NFIC: variants seen among roughly 807,000 people sequenced by gnomAD.
NFIC encodes the protein nuclear factor 1 C-type.
Under a neutral mutation model 54.4 loss-of-function variants are expected in NFIC, and 12 were observed. The ratio of observed to expected loss-of-function variants is 0.22; its 90% CI spans 0.14 to 0.36. NFIC has a LOEUF of 0.36. Ranked by LOEUF, NFIC falls within the 10% of genes least tolerant of loss-of-function variation. The probability of loss-of-function intolerance (pLI) is 1.00; values close to 1 mark genes in which losing one functional copy is unlikely to be tolerated. For synonymous variants in NFIC, 322 were observed against 319.2 expected (o/e 1.01, Z -0.09); for missense variants, 575 against 718.2 (o/e 0.80, Z 2.28).
intron 1 of NFIC, among the ~76,000 whole-genome samples, chr19:3,381,240 C>T (rs2081201283): frequency 6.6e-6 from 1 of 151,830 alleles, no homozygotes; most frequent in South Asian, 2.1e-4. Flanking sequence ...CCTAAAAATA[C>T]AAAAATTAGC....
At chr19:3,433,473 AC>A in intron 3 of NFIC, 44 bp from the exon 4 acceptor site, 1 of 1,605,388 alleles carries the variant, frequency 6.2e-7, no homozygotes. Context: ...GGGAAGGGAA[AC>A]AGGCCCAGCT....
intron 2 of NFIC, among the ~76,000 whole-genome samples, chr19:3,394,527 C>CCA (rs1184211402): frequency 1.6e-5 from 1 of 61,928 alleles, no homozygotes; most frequent in Non-Finnish European, 3.3e-5. Flanking sequence ...CCACCCACCC[C>CCA]CCACCCGCTT....
In NFIC at chr19:3,459,438, A is replaced by C. The variant is rs1460617608; in HGVS notation, c.1509+2803A>C. ...ATTTCTCCTGCACGGGAACCCACGT[A>C]AGCAGCTGGGTAAACCGAGGGTGGG... On this transcript the variant is annotated intron_variant, in intron 10 of 10. Transcript: ENST00000443272. This position sits in a 1 kb window ranked among gnomAD's most constrained non-coding sequence, Gnocchi z 4.2. 6.6e-6 allele frequency among the ~76,000 whole-genome samples: 1 copy of C among 151,646 alleles called. No homozygotes were observed. The highest frequency in any genetic ancestry group is 1.9e-4 in the East Asian group (1 of 5,184).
chr19:3,449,872 T>C (rs2082431907), intron 7 of NFIC, among the ~76,000 whole-genome samples: 1 of 151,028 alleles, frequency 6.6e-6, no homozygotes, highest in Non-Finnish European at 1.5e-5. Flanking sequence ...CTGGCCAACA[T>C]GGTGAAACCC....
chr19:3,380,167 A>AT (rs926747822), intron 1 of NFIC, among the ~76,000 whole-genome samples: 28 of 134,258 alleles, frequency 2.1e-4, no homozygotes, highest in African/African-American at 6.6e-4. Context: ...CGCCCGGCTA[A>AT]TTTTTTTGTT....
intron 6 of NFIC, among the ~76,000 whole-genome samples, chr19:3,441,891 C>A (rs1005035278): frequency 2.6e-5 from 4 of 152,346 alleles, no homozygotes; most frequent in African/African-American, 4.8e-5. Flanking sequence ...ATCCTCCCCC[C>A]ACCCTTCCCT....
Position 3,463,232 on chromosome 19 carries a change from G to A in NFIC, c.*463G>A, listed in dbSNP as rs1034050601. 1 of 993,898 alleles carries A rather than the reference G, an allele frequency of 1.0e-6. No individual in the cohort carries two copies. The highest frequency in any genetic ancestry group is 1.2e-6 in the Non-Finnish European group (1 of 836,054). The allele number at this position is 993,898 out of a possible 1,614,324, so 61.6% of individuals were successfully genotyped here. On this transcript the variant is annotated 3_prime_UTR_variant, in exon 11 of 11. Transcript: ENST00000443272. ...GCACAGCCTGGAGCCTGTGCCCAGG[G>A]CCGACAGGCGCGACACCCAGCAAGG...
intron 2 of NFIC, among the ~76,000 whole-genome samples, chr19:3,418,668 A>G (rs2081906499): frequency 6.6e-6 from 1 of 152,142 alleles, no homozygotes; most frequent in Non-Finnish European, 1.5e-5. Flanking sequence ...CCTGGCTAAC[A>G]TGGCAAAATC....
intron 2 of NFIC, among the ~76,000 whole-genome samples, chr19:3,410,274 A>G (rs1249968574): frequency 2.0e-5 from 3 of 152,152 alleles, no homozygotes; most frequent in East Asian, 1.9e-4. Context: ...TTTGCTTTCC[A>G]GAACCAGAGC....
rs1223236383 is a variant in NFIC, at chr19:3,429,251, T to TACACAC, written c.634+4075_634+4076insCACACA. ...TACCCCAAAAAAAAAAAAAAAAATATATACACACACACACACACACACACA... is the reference window on the plus strand; with the variant it reads ...TACCCCAAAAAAAAAAAAAAAAATATACACACATACACACACACACACACACACACA... On this transcript the variant is annotated intron_variant, in intron 3 of 10. Coordinates refer to ENST00000443272, the MANE Select transcript of NFIC (RefSeq NM_001245002.2). Among the ~76,000 whole-genome samples, 62 of 27,582 alleles carry TACACAC rather than the reference T, an allele frequency of 2.2e-3. 6 individuals carry two copies. The highest frequency in any genetic ancestry group is 3.4e-3 in the East Asian group (2 of 590). The allele number at this position is 27,582 out of a possible 152,430, so 18.1% of individuals were successfully genotyped here.
rs2082595144 is a variant in NFIC at position 3,458,629 on chromosome 19, G to GT, written c.1509+1995dup. 6.6e-6 allele frequency among the ~76,000 whole-genome samples: 1 copy of GT among 152,032 alleles called. No homozygotes were observed. The highest frequency in any genetic ancestry group is 1.5e-5 in the Non-Finnish European group (1 of 67,982). Reference sequence around the variant, plus strand: ...GTGGGACCAGGGCTGGCAGAATGGGGTGTGGGGGGGCACTGGCAAGGGGCT... The same window carrying GT: ...GTGGGACCAGGGCTGGCAGAATGGGGTTGTGGGGGGGCACTGGCAAGGGGCT... On this transcript the variant is annotated intron_variant, in intron 10 of 10. Coordinates refer to ENST00000443272, the MANE Select transcript of NFIC (RefSeq NM_001245002.2). The surrounding 1 kb of genome is among the most constrained non-coding windows in gnomAD (Gnocchi z 4.1).
Position 3,429,136 on chromosome 19 carries a change from T to TACACACAC in NFIC, c.634+3990_634+3997dup, listed in dbSNP as rs57006287. 2.8e-3 allele frequency among the ~76,000 whole-genome samples: 232 copies of TACACACAC among 83,884 alleles called. 8 individuals are homozygous for TACACACAC. Among genetic ancestry groups the TACACACAC allele is most frequent in the African/African-American group, 0.011 (216 of 20,264 alleles). The allele number at this position is 83,884 out of a possible 152,430, so 55.0% of individuals were successfully genotyped here. Reference sequence around the variant, plus strand: ...CCTATCTCTACCCAAAAAAAAAATATACACACACACACACACACACACACA... The same window carrying TACACACAC: ...CCTATCTCTACCCAAAAAAAAAATATACACACACACACACACACACACACACACACACA... On this transcript the variant is annotated intron_variant, in intron 3 of 10. Transcript: ENST00000443272.
rs112265689 is a variant in NFIC, at chr19:3,433,321, G to A, written c.635-197G>A. Reference sequence around the variant, plus strand: ...ATGGGGGAACCCGGATGAAGGCTGTGTGAAGGCCCACACTGGACAAGGACC... The same window carrying A: ...ATGGGGGAACCCGGATGAAGGCTGTATGAAGGCCCACACTGGACAAGGACC... On this transcript the variant is annotated intron_variant, in intron 3 of 10. Transcript: ENST00000443272. Among the ~76,000 whole-genome samples the A allele has an allele frequency of 3.4e-3, 515 of 152,366 alleles. 4 individuals carry two copies. Among genetic ancestry groups the A allele is most frequent in the Non-Finnish European group, 6.2e-3 (420 of 68,028 alleles).
intron 2 of NFIC, among the ~76,000 whole-genome samples, chr19:3,422,188 C>T (rs746663832): frequency 2.0e-5 from 3 of 152,020 alleles, no homozygotes; most frequent in Non-Finnish European, 2.9e-5. Flanking sequence ...CTGCCCGCCT[C>T]GGCCTCCCAA....
rs2082394544 is a variant in NFIC at position 3,447,749 on chromosome 19, C to T, written c.959-1265C>T. ...AGACGTGGCAGCTCACCCCAGGTCG[C>T]ACAGCCTCATGGCCAGCCGGGGTTT... On this transcript the variant is annotated intron_variant, in intron 6 of 10. Transcript: ENST00000443272. 3.9e-5 allele frequency among the ~76,000 whole-genome samples: 6 copies of T among 152,240 alleles called. No homozygotes were observed. The South Asian group carries it at 1.0e-3, about 26-fold the overall frequency.
intron 1 of NFIC, among the ~76,000 whole-genome samples, chr19:3,368,421 G>C (rs1203050380): frequency 6.6e-6 from 1 of 152,188 alleles, no homozygotes; most frequent in Non-Finnish European, 1.5e-5. Flanking sequence ...TCCAGGAACA[G>C]GGCAAGGACC....
At position 3,370,951 on chromosome 19, in the gene NFIC, G is replaced by A. The variant is rs2080997299; in HGVS notation, c.30+4285G>A. 6.6e-6 allele frequency among the ~76,000 whole-genome samples: 1 copy of A among 152,186 alleles called. No individual in the cohort carries two copies. Among genetic ancestry groups the A allele is most frequent in the East Asian group, 1.9e-4 (1 of 5,192 alleles). On this transcript the variant is annotated intron_variant, in intron 1 of 10. Coordinates refer to ENST00000443272, the MANE Select transcript of NFIC (RefSeq NM_001245002.2). This position sits in a 1 kb window ranked among gnomAD's most constrained non-coding sequence, Gnocchi z 5.2. ...GACCAGTTCACATCCATGAGCACAC[G>A]CTGGGCGCACACGCGTGCACACTCC...
intron 1 of NFIC, among the ~76,000 whole-genome samples, chr19:3,368,401 C>T (rs2145426896): frequency 6.6e-6 from 1 of 152,248 alleles, no homozygotes; most frequent in South Asian, 2.1e-4. Flanking sequence ...GCTAACTCGG[C>T]CTCAGTTTCT....
At chr19:3,414,371 C>T (rs1295537701) in intron 2 of NFIC, among the ~76,000 whole-genome samples, 4 of 151,920 alleles carry the variant, frequency 2.6e-5, no homozygotes, top group African/African-American at 7.3e-5. Context: ...CCGAGGCGGA[C>T]GGATCACGAG....
Sources: allele counts gnomAD v4.1 joint callset (sites outside exome capture counted in the v4.1 genomes callset), GRCh38; gene constraint gnomAD v4.1.1; non-coding constraint Gnocchi (gnomAD v3.1); transcripts MANE v1.5; gene names NCBI Gene and HGNC (gene_info 2026-07-23, HGNC 2026-07-21).